Variants in NRXN1 observed in about 807,000 individuals in gnomAD.
NRXN1 encodes neurexin-1.
Under a neutral mutation model 150.9 loss-of-function variants are expected in NRXN1, and 39 were observed. The ratio of observed to expected loss-of-function variants is 0.26; its 90% CI spans 0.20 to 0.34. The LOEUF (loss-of-function observed/expected upper bound fraction) is 0.34. Ranked by LOEUF, NRXN1 falls within the 10% of genes least tolerant of loss-of-function variation. The pLI, the probability that NRXN1 is intolerant of heterozygous loss-of-function variation, is 1.00. For missense variants in NRXN1, 1,815 were observed against 1,949.9 expected (o/e 0.93, Z 1.30); for synonymous variants, 924 against 757.0 (o/e 1.22, Z -3.62).
intron 17 of NRXN1, among the ~76,000 whole-genome samples, chr2:50,400,481 T>A (rs964534837): frequency 6.6e-6 from 1 of 152,136 alleles, no homozygotes; most frequent in Non-Finnish European, 1.5e-5. Context: ...TTTCTGATTG[T>A]AATGAATATA....
intron 17 of NRXN1, among the ~76,000 whole-genome samples, chr2:50,445,278 C>G (rs1165759950): frequency 1.2e-4 from 19 of 152,092 alleles, no homozygotes; most frequent in Admixed American, 1.2e-3. Flanking sequence ...AATCCTGGAA[C>G]AGTTGTAAGG....
At chr2:50,091,197 A>C (rs998677126) in intron 19 of NRXN1, 126 bp downstream of exon 19, 4 of 1,079,888 alleles carry the variant, frequency 3.7e-6, no homozygotes, top group Non-Finnish European at 5.6e-6. Context: ...ACATGACTCT[A>C]AAGTCCAATA....
Position 50,456,394 on chromosome 2 carries a change from C to T in NRXN1, c.3364+9048G>A, listed in dbSNP as rs2087561326. Among the ~76,000 whole-genome samples, 3 of 152,082 alleles carry T rather than the reference C, an allele frequency of 2.0e-5. No individual in the cohort carries two copies. In the South Asian group the frequency reaches 6.2e-4, roughly 31 times the overall value. ...TATAATACTCAGAGCTAACATATCA[C>T]CTTTGTGCTTTATGCTGCTATAGAA... On this transcript the variant is annotated intron_variant, in intron 17 of 22. Coordinates refer to ENST00000401669, the MANE Select transcript of NRXN1 (RefSeq NM_001330078.2).
chr2:50,783,183 G>A (rs1339779696), intron 5 of NRXN1, among the ~76,000 whole-genome samples: 2 of 152,114 alleles, frequency 1.3e-5, no homozygotes, highest in African/African-American at 4.8e-5. Flanking sequence ...TATTTTCACT[G>A]TAGTAATATA....
intron 2 of NRXN1, among the ~76,000 whole-genome samples, chr2:50,968,876 C>T (rs1179506409): frequency 2.0e-5 from 3 of 152,032 alleles, no homozygotes; most frequent in African/African-American, 7.2e-5. Context: ...TCCATGTCGA[C>T]TCATATCACT....
In NRXN1 at chr2:50,666,878, G is replaced by GTGTGTGT. The variant is rs1559097612; in HGVS notation, c.833-43264_833-43263insACACACA. ...TGATGATGATGATGATGATGATGATGATGTGTGTGTGTGTGTGTGTGTGTG... is the reference window on the plus strand; with the variant it reads ...TGATGATGATGATGATGATGATGATGTGTGTGTATGTGTGTGTGTGTGTGTGTGTGTG... On this transcript the variant is annotated intron_variant, in intron 5 of 22. Transcript: ENST00000401669. 1.5e-3 allele frequency among the ~76,000 whole-genome samples: 196 copies of GTGTGTGT among 128,844 alleles called. No individual in the cohort carries two copies. In the South Asian group the frequency reaches 0.017, roughly 11 times the overall value. 84.5% of individuals were successfully genotyped at this position (128,844 alleles called of 152,430 possible).
intron 17 of NRXN1, among the ~76,000 whole-genome samples, chr2:50,323,507 C>A (rs115520086): frequency 0.012 from 1,852 of 151,612 alleles, 37 homozygotes; most frequent in African/African-American, 0.043. Flanking sequence ...GAGGCCCCTG[C>A]AATGTTTGGA....
At chr2:50,886,293 T>C (rs1334607536) in intron 5 of NRXN1, among the ~76,000 whole-genome samples, 1 of 151,420 alleles carries the variant, frequency 6.6e-6, no homozygotes, top group African/African-American at 2.4e-5. Context: ...ATTTACTTAA[T>C]ATTTTTCAAC....
intron 21 of NRXN1, among the ~76,000 whole-genome samples, chr2:49,978,976 A>G (rs1679498305): frequency 2.0e-5 from 3 of 152,288 alleles, no homozygotes; most frequent in Admixed American, 6.5e-5. Context: ...GCTTTCAAAA[A>G]TCATCATAGA....
chr2:50,213,128 G>A (rs1051908932), intron 18 of NRXN1, among the ~76,000 whole-genome samples: 1 of 151,872 alleles, frequency 6.6e-6, no homozygotes. Flanking sequence ...ACATTCTGGA[G>A]ATCCCAAGAG....
intron 8 of NRXN1, among the ~76,000 whole-genome samples, chr2:50,607,502 G>A (rs956153277): frequency 6.6e-6 from 1 of 151,852 alleles, no homozygotes. Context: ...CTTTCTTTAG[G>A]GCATAAGCCA....
chr2:50,022,743 G>A (rs77100777), intron 21 of NRXN1: 1 of 152,122 alleles, frequency 6.6e-6, no homozygotes, highest in Non-Finnish European at 1.5e-5. Context: ...GAGATGTTTT[G>A]TATTTAGTTA....
chr2:50,474,682 G>GAAAAAAAAA (rs1558794690), intron 15 of NRXN1, among the ~76,000 whole-genome samples: 2 of 4,176 alleles, frequency 4.8e-4, no homozygotes, highest in African/African-American at 1.0e-3. Flanking sequence ...CACAGAAATA[G>GAAAAAAAAA]CAAAAAAAAA....
At chr2:50,739,207 G>C in intron 5 of NRXN1, 3 of 485,668 alleles carry the variant, frequency 6.2e-6, no homozygotes, top group South Asian at 4.6e-5. Flanking sequence ...TGACAGTACA[G>C]TAGAAATCGA....
intron 17 of NRXN1, among the ~76,000 whole-genome samples, chr2:50,296,483 C>T (rs2073577297): frequency 7.0e-6 from 1 of 143,708 alleles, no homozygotes; most frequent in East Asian, 2.3e-4. Flanking sequence ...CTGTCACTTC[C>T]CTCTGCATAT....
intron 17 of NRXN1, among the ~76,000 whole-genome samples, chr2:50,318,336 C>T (rs1463088101): frequency 6.6e-6 from 1 of 152,230 alleles, no homozygotes; most frequent in South Asian, 2.1e-4. Flanking sequence ...AGGAAGTCAT[C>T]ATCCCCCAGT....
intron 10 of NRXN1, among the ~76,000 whole-genome samples, chr2:50,535,910 C>A (rs976718472): frequency 6.6e-6 from 1 of 151,998 alleles, no homozygotes; most frequent in Non-Finnish European, 1.5e-5. Flanking sequence ...TATAAATTAT[C>A]AATTTTTGCT....
intron 5 of NRXN1, among the ~76,000 whole-genome samples, chr2:50,692,447 G>T (rs886130379): frequency 1.3e-5 from 2 of 151,966 alleles, no homozygotes; most frequent in African/African-American, 4.8e-5. Flanking sequence ...ATTTCAGTCT[G>T]CTTAAGAAGC....
At chr2:50,711,926 G>A (rs1008027181) in intron 5 of NRXN1, among the ~76,000 whole-genome samples, 3 of 151,996 alleles carry the variant, frequency 2.0e-5, no homozygotes, top group Non-Finnish European at 2.9e-5. Context: ...ACCAGACGCC[G>A]GCACCTTGAT....
Sources: allele counts gnomAD v4.1 joint callset (sites outside exome capture counted in the v4.1 genomes callset), GRCh38; gene constraint gnomAD v4.1.1; transcripts MANE v1.5; gene names NCBI Gene and HGNC (gene_info 2026-07-23, HGNC 2026-07-21).